L3MBTL1: variants seen among roughly 807,000 people sequenced by gnomAD.
L3MBTL1 encodes the protein lethal(3)malignant brain tumor-like protein 1.
L3MBTL1 carries 75 observed loss-of-function variants against 105.3 expected under a neutral mutation model. The ratio of observed to expected loss-of-function variants is 0.71; its 90% CI spans 0.59 to 0.86. The LOEUF is 0.86. Among genes scored for constraint, L3MBTL1 ranks in the 40% least tolerant of loss-of-function variants. The probability of loss-of-function intolerance (pLI) is 0.00; values close to 1 mark genes in which losing one functional copy is unlikely to be tolerated. For synonymous variants in L3MBTL1, 452 were observed against 436.2 expected, an observed-to-expected ratio of 1.04 and a Z score of -0.45; for missense variants, 1,069 against 1,126.4, an observed-to-expected ratio of 0.95 and a Z score of 0.73.
At chr20:43,543,835 C>G (rs1399255640), downstream of L3MBTL1, among the ~76,000 whole-genome samples, 25 of 152,218 alleles carry the variant, frequency 1.6e-4, 1 homozygote, top group Admixed American at 1.6e-3. Flanking sequence ...AGTAGTCTGT[C>G]CAGTCCTCTC....
intron 7 of L3MBTL1, among the ~76,000 whole-genome samples, chr20:43,526,818 G>C (rs2019057547): frequency 6.6e-6 from 1 of 152,204 alleles, no homozygotes; most frequent in Non-Finnish European, 1.5e-5. Context: ...ATGTGTAGTG[G>C]TGGGCACCTG....
rs2019872283 is a variant in L3MBTL1 at position 43,540,747 on chromosome 20, T to A, written c.2332-6T>A. 1 of 1,613,990 alleles carries A rather than the reference T, an allele frequency of 6.2e-7. No individual in the cohort carries two copies. The highest frequency in any genetic ancestry group is 1.7e-5 in the Admixed American group (1 of 60,004). On this transcript the variant is annotated splice_region_variant and splice_polypyrimidine_tract_variant and intron_variant, in intron 20 of 21. Transcript: ENST00000418998. ...CCTGGTCAACATGTCATCTTTGGTT[T>A]CCAAGGTCTTCGGCTTTGTTCAGAC...
chr20:43,533,890 TG>T (rs1474975461), intron 13 of L3MBTL1, 117 bp from the exon 14 acceptor site: 10 of 751,808 alleles, frequency 1.3e-5, no homozygotes, highest in Non-Finnish European at 2.4e-5. Context: ...GTGGTGATGG[TG>T]GGAGAGATTC....
At position 43,535,003 on chromosome 20, in the gene L3MBTL1, G is replaced by A. The variant is rs1016945916; in HGVS notation, c.1825+61G>A. 5 of 1,228,306 alleles carry A rather than the reference G, an allele frequency of 4.1e-6. No individual in the cohort carries two copies. The African/African-American group carries it at 6.1e-5, about 15-fold the overall frequency. The allele number at this position is 1,228,306 out of a possible 1,614,324, so 76.1% of individuals were successfully genotyped here. ...CCCCCCAGGTTCTGACAATCCTATA[G>A]TTTGCCTACAGAGCTCTGACTCCCC... On this transcript the variant is annotated intron_variant, in intron 16 of 21. Coordinates refer to ENST00000418998, the MANE Select transcript of L3MBTL1 (RefSeq NM_001377303.1).
chr20:43,549,351 C>T (rs1978835545), exon 19 of L3MBTL1: 1 of 152,246 alleles, frequency 6.6e-6, no homozygotes, highest in South Asian at 2.1e-4. Context: ...TAAATGTTGA[C>T]CATTAGCTCT....
intron 4 of L3MBTL1, 53 bp from the exon 5 acceptor site, chr20:43,514,956 C>G (rs972827927): frequency 1.9e-6 from 3 of 1,593,266 alleles, no homozygotes; most frequent in Non-Finnish European, 1.7e-6. Flanking sequence ...TGGGCGGAGC[C>G]TGAGTGTGGC....
At chr20:43,526,426 G>A (rs762546641) in intron 7 of L3MBTL1, among the ~76,000 whole-genome samples, 4 of 152,174 alleles carry the variant, frequency 2.6e-5, no homozygotes, top group Non-Finnish European at 5.9e-5. Context: ...AAGAATGGAG[G>A]AAGACTGAGT....
At chr20:43,547,468 GT>G (rs1333214791) in intron 18 of L3MBTL1, among the ~76,000 whole-genome samples, 2 of 152,088 alleles carry the variant, frequency 1.3e-5, no homozygotes, top group African/African-American at 4.8e-5. Context: ...CTTTCTAGTG[GT>G]GTCACTTAAC....
Position 43,515,010 on chromosome 20 carries a change from G to A in L3MBTL1, c.504G>A (p.Glu168=), listed in dbSNP as rs2018305090. Residue 168 remains glutamate (E), a splice_region_variant and synonymous_variant, in exon 5 of 22, where the codon GAG becomes GAA. Transcript: ENST00000418998. ...CTGAGGCCCATTTGGCCCCCGCAGA[G>A]GACCACCCCCAGAATCCTCCAGAAG... ...GDGEAGPQQA[E]DHPQNPPEDP... 1.9e-6 allele frequency: 3 copies of A among 1,613,554 alleles called. No individual in the cohort carries two copies. Among genetic ancestry groups the A allele is most frequent in the African/African-American group, 2.7e-5 (2 of 74,926 alleles).
chr20:43,542,103 G>A (rs1401671578), downstream of L3MBTL1, among the ~76,000 whole-genome samples: 4 of 152,308 alleles, frequency 2.6e-5, no homozygotes, highest in East Asian at 3.9e-4. Context: ...CCAGCTACTC[G>A]GGAGGCTGAG....
rs1568926078 is a variant in L3MBTL1, at chr20:43,534,033, TTGGGAGAAATATC to T, written c.1543_1555del (p.Glu515LysfsTer25). 3.7e-6 allele frequency: 6 copies of T among 1,613,974 alleles called. No individual in the cohort carries two copies. Among genetic ancestry groups the T allele is most frequent in the Non-Finnish European group, 5.1e-6 (6 of 1,179,920 alleles). ...ACTACCCAGACCCTGATAACTTCTG[TTGGGAGAAATATC>T]TGGAAGAAACTGGGGCCTCTGCTGT... On this transcript the variant is annotated frameshift_variant, in exon 14 of 22. Transcript: ENST00000418998. LOFTEE classifies it high-confidence loss of function.
Position 43,516,188 on chromosome 20 carries a change from TTGTGTGTATATATATTCGTGTGA to T in L3MBTL1, c.862+12_862+34del, listed in dbSNP as rs746207694. The stretch of plus-strand genomic sequence containing the variant: ...GCAGCAGCCAGCCTGGTACGGTGGC[TTGTGTGTATATATATTCGTGTGA>T]GGTGTGTATATACCTTTGGAGGTGT... On this transcript the variant is annotated intron_variant, in intron 7 of 21. Transcript: ENST00000418998. 5 of 1,608,102 alleles carry T rather than the reference TTGTGTGTATATATATTCGTGTGA, an allele frequency of 3.1e-6. No individual in the cohort carries two copies. The Admixed American group carries it at 5.0e-5, about 16-fold the overall frequency.
exon 19 of L3MBTL1, chr20:43,548,387 G>A (rs1978769860): frequency 4.0e-6 from 3 of 742,324 alleles, no homozygotes; most frequent in Non-Finnish European, 5.6e-6. Flanking sequence ...CTTAGAGGGT[G>A]CATGGGAGCT....
rs1289202793 is a variant in L3MBTL1, at chr20:43,535,202, GA to G, written c.1825+261del. Among the ~76,000 whole-genome samples, 3 of 152,150 alleles carry G rather than the reference GA, an allele frequency of 2.0e-5. No homozygotes were observed. The South Asian group carries it at 6.2e-4, about 32-fold the overall frequency. On this transcript the variant is annotated intron_variant, in intron 16 of 21. Coordinates refer to ENST00000418998, the MANE Select transcript of L3MBTL1 (RefSeq NM_001377303.1). ...AGCTCACTTGGTTGCATGTGCTTCA[GA>G]GGTGGTCAGGCACCCAGGGATTTCT...
At chr20:43,515,527 A>G (rs2018345231) in intron 6 of L3MBTL1, 112 bp downstream of exon 6, 3 of 1,377,858 alleles carry the variant, frequency 2.2e-6, no homozygotes, top group South Asian at 1.4e-5. Flanking sequence ...GACACGCATA[A>G]TGACTCACTC....
chr20:43,517,901 A>G (rs1172441242), intron 7 of L3MBTL1, among the ~76,000 whole-genome samples: 1 of 152,178 alleles, frequency 6.6e-6, no homozygotes, highest in Non-Finnish European at 1.5e-5. Flanking sequence ...CTTCACTATT[A>G]TGTCTCACCC....
downstream of L3MBTL1, among the ~76,000 whole-genome samples, chr20:43,543,075 C>T (rs982895359): frequency 6.6e-6 from 1 of 151,342 alleles, no homozygotes; most frequent in East Asian, 1.9e-4. Flanking sequence ...ACAGTCGAAC[C>T]AAATTTTCCA....
chr20:43,510,204 GC>G (rs2018094963), intron 1 of L3MBTL1, among the ~76,000 whole-genome samples: 1 of 151,962 alleles, frequency 6.6e-6, no homozygotes, highest in Non-Finnish European at 1.5e-5. Context: ...TCACCATGTT[GC>G]CCAGGCTGGT....
At chr20:43,521,704 T>C (rs2018712476) in intron 7 of L3MBTL1, among the ~76,000 whole-genome samples, 1 of 152,182 alleles carries the variant, frequency 6.6e-6, no homozygotes, top group Admixed American at 6.5e-5. Flanking sequence ...TAATACCCCC[T>C]TTTAATTATT....
Sources: gnomAD v4.1 joint callset for allele counts (sites outside exome capture counted in the v4.1 genomes callset) on GRCh38, gnomAD v4.1.1 for gene constraint, MANE v1.5 for transcripts, NCBI Gene and HGNC (gene_info 2026-07-23, HGNC 2026-07-21) for gene names.